Variants in HDAC4 observed in about 807,000 individuals in gnomAD.
The protein encoded by HDAC4 is histone deacetylase 4.
HDAC4 carries 16 observed loss-of-function variants against 135.1 expected under a neutral mutation model. That is an observed-to-expected ratio of 0.12 (90% CI 0.08 to 0.18). The LOEUF is 0.18. Among genes scored for constraint, HDAC4 ranks in the 10% least tolerant of loss-of-function variants. The probability of loss-of-function intolerance (pLI) is 1.00; values close to 1 mark genes in which losing one functional copy is unlikely to be tolerated. For synonymous variants in HDAC4, 685 were observed against 653.4 expected, an observed-to-expected ratio of 1.05 and a Z score of -0.74; for missense variants, 1,143 against 1,511.8, an observed-to-expected ratio of 0.76 and a Z score of 4.05.
At chr2:239,184,464 GGTCCCTCAGTGTCT>G (rs1242801852) in intron 4 of HDAC4, among the ~76,000 whole-genome samples, 1 of 146,830 alleles carries the variant, frequency 6.8e-6, no homozygotes, top group Non-Finnish European at 1.5e-5. Flanking sequence ...TATGAGGGGG[GGTCCCTCAGTGTCT>G]GTCCTGGAGG....
chr2:239,283,350 G>A (rs2050930838), intron 2 of HDAC4, among the ~76,000 whole-genome samples: 1 of 152,242 alleles, frequency 6.6e-6, no homozygotes, highest in Non-Finnish European at 1.5e-5. Context: ...AGTGCCCAGG[G>A]TGCGGGCCTG....
intron 2 of HDAC4, among the ~76,000 whole-genome samples, chr2:239,315,169 C>T (rs914262484): frequency 1.1e-4 from 16 of 152,156 alleles, no homozygotes; most frequent in African/African-American, 2.9e-4. Context: ...CCTCACACTT[C>T]GAGTTGTCCC....
At chr2:239,106,486 C>A (rs1285265749) in intron 15 of HDAC4, among the ~76,000 whole-genome samples, 1 of 152,152 alleles carries the variant, frequency 6.6e-6, no homozygotes, top group Non-Finnish European at 1.5e-5. Context: ...CAGCCAGTGT[C>A]TGCTGGGCAA....
chr2:239,138,891 G>A (rs750036943), intron 9 of HDAC4, among the ~76,000 whole-genome samples: 2 of 152,332 alleles, frequency 1.3e-5, no homozygotes, highest in Admixed American at 1.3e-4. Context: ...GAAAGCCTCC[G>A]AGTATGGTCA....
rs528999395 is a variant in HDAC4 at position 239,146,705 on chromosome 2, C to T, written c.734-1991G>A. Among the ~76,000 whole-genome samples the T allele has an allele frequency of 2.7e-5, 4 of 150,874 alleles. No individual in the cohort carries two copies. The highest frequency in any genetic ancestry group is 9.8e-5 in the African/African-American group (4 of 40,982). ...TGCTTCACCCCACCCCTTCCCTCCACTCCCCTCCCCTTCCCTCCTCTCCCC... is the reference window on the plus strand; with the variant it reads ...TGCTTCACCCCACCCCTTCCCTCCATTCCCCTCCCCTTCCCTCCTCTCCCC... On this transcript the variant is annotated intron_variant, in intron 7 of 26. Coordinates refer to ENST00000543185, the MANE Select transcript of HDAC4 (RefSeq NM_001378414.1). The surrounding 1 kb of genome is among the most constrained non-coding windows in gnomAD (Gnocchi z 4.5).
chr2:239,279,308 CATT>C (rs1417752425), intron 2 of HDAC4, among the ~76,000 whole-genome samples: 1 of 152,242 alleles, frequency 6.6e-6, no homozygotes, highest in African/African-American at 2.4e-5. Flanking sequence ...ACAAATGACT[CATT>C]AGAGGGATCA....
intron 2 of HDAC4, among the ~76,000 whole-genome samples, chr2:239,263,280 GC>G (rs1244434191): frequency 2.7e-5 from 2 of 72,772 alleles, no homozygotes; most frequent in East Asian, 3.0e-4. Context: ...GCCCAGCCCA[GC>G]CCCCTACACA....
intron 6 of HDAC4, chr2:239,162,365 T>C (rs750853908): frequency 5.7e-5 from 26 of 455,986 alleles, no homozygotes; most frequent in Non-Finnish European, 1.1e-4. Flanking sequence ...CATCCTGCCC[T>C]TTCCAGCTTG....
chr2:239,345,921 GCACT>G (rs1449700500), intron 2 of HDAC4, among the ~76,000 whole-genome samples: 4 of 113,978 alleles, frequency 3.5e-5, no homozygotes, highest in African/African-American at 6.9e-5. Flanking sequence ...TCACACACGT[GCACT>G]CACTCTAACA....
Position 239,349,462 on chromosome 2 carries a change from G to A in HDAC4, c.22+3216C>T, listed in dbSNP as rs76087356. 1.5e-3 allele frequency among the ~76,000 whole-genome samples: 226 copies of A among 152,362 alleles called. 3 individuals carry two copies. In the East Asian group the frequency reaches 0.04, roughly 27 times the overall value. On this transcript the variant is annotated intron_variant, in intron 2 of 26. Transcript: ENST00000543185. This position sits in a 1 kb window ranked among gnomAD's most constrained non-coding sequence, Gnocchi z 5.7. ...AAAGCAGGATTGGAAAGCACTTCCAGCAATGCCTGGGAGCGGACGGACAGG... is the reference window on the plus strand; with the variant it reads ...AAAGCAGGATTGGAAAGCACTTCCAACAATGCCTGGGAGCGGACGGACAGG...
At chr2:239,185,757 G>A (rs191955410) in intron 4 of HDAC4, among the ~76,000 whole-genome samples, 2 of 152,334 alleles carry the variant, frequency 1.3e-5, no homozygotes, top group Non-Finnish European at 2.9e-5. Context: ...GAGGCCGGGC[G>A]CAGTGGCTCA....
rs944412480 is a variant in HDAC4, at chr2:239,262,871, G to A, written c.23-26207C>T. 7.2e-5 allele frequency among the ~76,000 whole-genome samples: 11 copies of A among 152,290 alleles called. No homozygotes were observed. Among genetic ancestry groups the A allele is most frequent in the African/African-American group, 1.9e-4 (8 of 41,576 alleles). The stretch of plus-strand genomic sequence containing the variant: ...CTGGTGCCCTGGTGAGCAGGAGAGC[G>A]TGAGGCTCTAAGGAGTGGATCCCTC... On this transcript the variant is annotated intron_variant, in intron 2 of 26. Coordinates refer to ENST00000543185, the MANE Select transcript of HDAC4 (RefSeq NM_001378414.1). This position sits in a 1 kb window ranked among gnomAD's most constrained non-coding sequence, Gnocchi z 4.1.
In HDAC4 at chr2:239,052,284, C is replaced by T. The variant is rs187318986; in HGVS notation, c.*813G>A. 918 of 152,394 alleles carry T rather than the reference C, an allele frequency of 6.0e-3. 13 individuals carry two copies. Among genetic ancestry groups the T allele is most frequent in the Admixed American group, 6.4e-3 (98 of 15,292 alleles). The allele number at this position is 152,394 out of a possible 1,614,324, so 9.4% of individuals were successfully genotyped here. Reference sequence around the variant, plus strand: ...CCGTGCTTGAGGCGTCAGGCCAGCTCGCGGTGCCAGCACTGCCAGGCTCGG... The same window carrying T: ...CCGTGCTTGAGGCGTCAGGCCAGCTTGCGGTGCCAGCACTGCCAGGCTCGG... On this transcript the variant is annotated 3_prime_UTR_variant, in exon 27 of 27. Coordinates refer to ENST00000543185, the MANE Select transcript of HDAC4 (RefSeq NM_001378414.1).
chr2:239,055,039 G>A (rs563650749), intron 24 of HDAC4: 25 of 497,846 alleles, frequency 5.0e-5, no homozygotes, highest in South Asian at 4.5e-4. Flanking sequence ...TTTTTAGGAC[G>A]CTATAAGATA....
In HDAC4 at chr2:239,196,668, C is replaced by T. The variant is rs537781338; in HGVS notation, c.95-6591G>A. ...ACACCCCGTCTAACATCTGGCAGGG[C>T]AGTCATGTGGACCAGAACCAGGTGC... On this transcript the variant is annotated intron_variant, in intron 3 of 26. Transcript: ENST00000543185. Among the ~76,000 whole-genome samples the T allele has an allele frequency of 5.9e-5, 9 of 152,308 alleles. No homozygotes were observed. In the South Asian group the frequency reaches 1.9e-3, roughly 32 times the overall value.
chr2:239,156,360 G>T (rs1202349432), intron 7 of HDAC4, among the ~76,000 whole-genome samples: 4 of 152,114 alleles, frequency 2.6e-5, no homozygotes, highest in Non-Finnish European at 5.9e-5. Context: ...CCCTCAGTGT[G>T]GCAAAATCTA....
chr2:239,131,142 T>C (rs961351217), intron 11 of HDAC4, among the ~76,000 whole-genome samples: 5 of 152,218 alleles, frequency 3.3e-5, no homozygotes, highest in African/African-American at 1.2e-4. Context: ...GCCCAGCCTG[T>C]GACTGGCGAG....
At chr2:239,120,989 CCTTTA>C (rs777718371) in intron 12 of HDAC4, among the ~76,000 whole-genome samples, 1 of 136,980 alleles carries the variant, frequency 7.3e-6, no homozygotes, top group African/African-American at 2.7e-5. Context: ...CTGATGCTTT[CCTTTA>C]AATTTCTTTT....
chr2:239,160,580 T>C (rs1433975273), intron 6 of HDAC4, among the ~76,000 whole-genome samples: 2 of 152,196 alleles, frequency 1.3e-5, no homozygotes, highest in African/African-American at 4.8e-5. Context: ...GTCATGGGGG[T>C]GGCCTCTTTG....
Sources: gnomAD v4.1 joint callset for allele counts (sites outside exome capture counted in the v4.1 genomes callset) on GRCh38, gnomAD v4.1.1 for gene constraint, Gnocchi (gnomAD v3.1) non-coding constraint, MANE v1.5 for transcripts, NCBI Gene and HGNC (gene_info 2026-07-23, HGNC 2026-07-21) for gene names.